The following B3GALT1 variants were observed in gnomAD, a reference collection of about 807,000 sequenced individuals.
B3GALT1 encodes the protein UDP-Gal:betaGlcNAc beta 1,3-galactosyltransferase, polypeptide 1.
A neutral mutation model predicts 23.2 loss-of-function variants in B3GALT1; 10 were observed. That is an observed-to-expected ratio of 0.43 (90% CI 0.27 to 0.73). The LOEUF is 0.73. Among genes scored for constraint, B3GALT1 ranks in the 30% least tolerant of loss-of-function variants. The pLI is 0.21. For missense variants in B3GALT1, 299 were observed against 405.4 expected (o/e 0.74, Z 2.25); for synonymous variants, 156 against 141.5 (o/e 1.10, Z -0.73).
chr2:167,562,204 A>G (rs1159910737), intron 2 of B3GALT1, among the ~76,000 whole-genome samples: 1 of 152,190 alleles, frequency 6.6e-6, no homozygotes, highest in Non-Finnish European at 1.5e-5. Flanking sequence ...AAAGGCAAAA[A>G]CCACATGATT....
intron 1 of B3GALT1, among the ~76,000 whole-genome samples, chr2:167,409,940 G>A (rs564039253): frequency 1.3e-5 from 2 of 152,004 alleles, no homozygotes; most frequent in East Asian, 3.9e-4. Context: ...TATACCCAAA[G>A]GATGATAAAT....
chr2:167,780,973 G>A (rs977331814), intron 3 of B3GALT1, among the ~76,000 whole-genome samples: 5 of 152,186 alleles, frequency 3.3e-5, no homozygotes, highest in Admixed American at 3.3e-4. Flanking sequence ...TTAATTTTAT[G>A]TCATGTGAAT....
intron 3 of B3GALT1, among the ~76,000 whole-genome samples, chr2:167,703,219 C>T (rs544306585): frequency 3.3e-5 from 5 of 152,190 alleles, no homozygotes; most frequent in Non-Finnish European, 2.9e-5. Context: ...ACAAATGAGG[C>T]TCAGTAAGGT....
chr2:167,645,871 C>T (rs1685740870), intron 2 of B3GALT1, among the ~76,000 whole-genome samples: 1 of 151,810 alleles, frequency 6.6e-6, no homozygotes, highest in South Asian at 2.1e-4. Flanking sequence ...ACACCCGGCC[C>T]AATAAAAATG....
chr2:167,656,741 G>T (rs1685961866), intron 3 of B3GALT1, among the ~76,000 whole-genome samples: 1 of 152,272 alleles, frequency 6.6e-6, no homozygotes. Context: ...ACTGATTATA[G>T]TGTATAATCT....
At chr2:167,307,948 AATATG>A (rs1696574562) in intron 1 of B3GALT1, among the ~76,000 whole-genome samples, 2 of 138,086 alleles carry the variant, frequency 1.4e-5, no homozygotes, top group South Asian at 2.4e-4. Flanking sequence ...ATTAGGAGTA[AATATG>A]ATATAACAAA....
Position 167,440,212 on chromosome 2 carries a change from G to A in B3GALT1, c.-510-49965G>A, listed in dbSNP as rs556876668. 4.8e-3 allele frequency among the ~76,000 whole-genome samples: 734 copies of A among 151,556 alleles called. 6 individuals carry two copies. The highest frequency in any genetic ancestry group is 0.017 in the African/African-American group (685 of 41,364). ...CAAAAAATTAGCCAGGCGTGGTGGC[G>A]GGCGCCTGTAGTCCCAGCTACTCAG... is the stretch of plus-strand genomic sequence containing the variant. On this transcript the variant is annotated intron_variant, in intron 1 of 4. Transcript: ENST00000392690.
chr2:167,612,420 C>T (rs913160157), intron 2 of B3GALT1, among the ~76,000 whole-genome samples: 9 of 149,656 alleles, frequency 6.0e-5, no homozygotes, highest in African/African-American at 2.2e-4. Flanking sequence ...CCTACTACAA[C>T]TTGTTCACTG....
chr2:167,851,462 A>G (rs1350930820), intron 4 of B3GALT1, among the ~76,000 whole-genome samples: 1 of 152,214 alleles, frequency 6.6e-6, no homozygotes, highest in Non-Finnish European at 1.5e-5. Context: ...AGCTGTGAGT[A>G]AAAACAAAAA....
intron 2 of B3GALT1, among the ~76,000 whole-genome samples, chr2:167,588,085 A>G (rs1212867338): frequency 6.6e-6 from 1 of 152,190 alleles, no homozygotes; most frequent in Non-Finnish European, 1.5e-5. Flanking sequence ...GCACCTCTTT[A>G]AACAGGTGTT....
intron 3 of B3GALT1, among the ~76,000 whole-genome samples, chr2:167,724,578 A>G (rs1333127961): frequency 6.6e-6 from 1 of 152,212 alleles, no homozygotes; most frequent in Admixed American, 6.5e-5. Flanking sequence ...ATATTTATCA[A>G]CATTTACCAT....
At chr2:167,704,135 C>T (rs1317865072) in intron 3 of B3GALT1, among the ~76,000 whole-genome samples, 2 of 145,742 alleles carry the variant, frequency 1.4e-5, no homozygotes, top group Non-Finnish European at 3.0e-5. Flanking sequence ...GAGCCGAGAT[C>T]GCACCACTGC....
chr2:167,702,586 A>G (rs1446707347), intron 3 of B3GALT1, among the ~76,000 whole-genome samples: 2 of 152,216 alleles, frequency 1.3e-5, no homozygotes, highest in Admixed American at 1.3e-4. Flanking sequence ...AAAATTCAGT[A>G]ACATTATGTG....
chr2:167,454,849 A>G (rs963754229), intron 1 of B3GALT1, among the ~76,000 whole-genome samples: 3 of 152,072 alleles, frequency 2.0e-5, no homozygotes, highest in Non-Finnish European at 4.4e-5. Flanking sequence ...AATCAACTTA[A>G]CAAACATATA....
chr2:167,613,963 A>G (rs1476760904), intron 2 of B3GALT1, among the ~76,000 whole-genome samples: 1 of 151,834 alleles, frequency 6.6e-6, no homozygotes, highest in East Asian at 1.9e-4. Context: ...GAAAATATTA[A>G]TGTCATGTTT....
chr2:167,354,634 T>C (rs1292504265), intron 1 of B3GALT1, among the ~76,000 whole-genome samples: 1 of 152,100 alleles, frequency 6.6e-6, no homozygotes, highest in Non-Finnish European at 1.5e-5. Flanking sequence ...CGTGAGCCAC[T>C]TTGCCCGGCC....
intron 1 of B3GALT1, among the ~76,000 whole-genome samples, chr2:167,383,921 A>G (rs1357604): frequency 0.95 from 144,131 of 152,308 alleles, 68,428 homozygotes; most frequent in Non-Finnish European, 0.99. Context: ...ACATTTTATT[A>G]TGCATTTTAA....
chr2:167,479,015 G>A (rs891257064), intron 1 of B3GALT1, among the ~76,000 whole-genome samples: 6 of 152,020 alleles, frequency 3.9e-5, no homozygotes, highest in African/African-American at 1.2e-4. Flanking sequence ...AGTGATCCTA[G>A]GTCGCGCCAC....
chr2:167,790,709 T>G (rs952413361), intron 3 of B3GALT1, among the ~76,000 whole-genome samples: 13 of 152,232 alleles, frequency 8.5e-5, no homozygotes, highest in African/African-American at 3.1e-4. Context: ...CTCCTTTATC[T>G]AATTGTGCCA....
Sources: allele counts gnomAD v4.1 joint callset (sites outside exome capture counted in the v4.1 genomes callset), GRCh38; gene constraint gnomAD v4.1.1; transcripts MANE v1.5; gene names NCBI Gene and HGNC (gene_info 2026-07-23, HGNC 2026-07-21).